The following MEF2B variants were observed in gnomAD, a reference collection of about 807,000 sequenced individuals.
MEF2B encodes the protein myocyte-specific enhancer factor 2B.
In MEF2B, 15 loss-of-function variants were observed where a neutral mutation model predicts 32.2. That is an observed-to-expected ratio of 0.47 (90% confidence interval 0.31 to 0.72). The LOEUF (loss-of-function observed/expected upper bound fraction) is 0.72. Among genes scored for constraint, MEF2B ranks in the 30% least tolerant of loss-of-function variants. The pLI is 0.05. For synonymous variants in MEF2B, 205 were observed against 225.6 expected (o/e 0.91, Z 0.82); for missense variants, 441 against 511.5 (o/e 0.86, Z 1.33).
At chr19:19,148,190 G>A (rs1320683326) in intron 3 of MEF2B, among the ~76,000 whole-genome samples, 1 of 152,236 alleles carries the variant, frequency 6.6e-6, no homozygotes, top group South Asian at 2.1e-4. Flanking sequence ...GAGGCCGGGC[G>A]CGGTGGCTCA....
At chr19:19,152,821 A>G (rs1336565853) in intron 1 of MEF2B, among the ~76,000 whole-genome samples, 2 of 152,126 alleles carry the variant, frequency 1.3e-5, no homozygotes, top group Non-Finnish European at 2.9e-5. Flanking sequence ...AGTGTTAGAT[A>G]CCTCGGCTGG....
chr19:19,147,739 C>T lies in MEF2B; in HGVS notation c.352G>A (p.Gly118Ser), dbSNP rs2146353222. 6.8e-6 allele frequency: 11 copies of T among 1,613,982 alleles called. No individual in the cohort carries two copies. The highest frequency in any genetic ancestry group is 8.5e-6 in the Non-Finnish European group (10 of 1,179,962). The part of the protein sequence containing the change: ...EPGEKFRRLA[G>S]EGGDPALPRP... ...GGCAAGGCCGGATCACCCCCTTCGC[C>T]TGCCAGCCTCCGAAACTTCTCTCCT... The change falls in exon 4 of 9, where the codon GGC (glycine) becomes AGC (serine). Residue 118 changes from glycine to serine, a missense_variant. Gly to Ser is a moderately conservative substitution (Grantham distance 56). Transcript: ENST00000424583.
rs770995320 is a variant in MEF2B at position 19,147,740 on chromosome 19, T to A, written c.351A>T (p.Ala117=). Residue 117 remains alanine, a synonymous_variant, in exon 4 of 9, where the codon GCA becomes GCT. Transcript: ENST00000424583. ...EEPGEKFRRL[A]GEGGDPALPR... is the part of the protein sequence containing the mutation. ...GCAAGGCCGGATCACCCCCTTCGCC[T>A]GCCAGCCTCCGAAACTTCTCTCCTG... is the stretch of plus-strand genomic sequence containing the variant. 1.2e-6 allele frequency: 2 copies of A among 1,613,966 alleles called. No individual in the cohort carries two copies. The highest frequency in any genetic ancestry group is 1.7e-6 in the Non-Finnish European group (2 of 1,179,966).
chr19:19,152,290 G>A (rs900170640), intron 1 of MEF2B, among the ~76,000 whole-genome samples: 3 of 150,130 alleles, frequency 2.0e-5, no homozygotes, highest in Non-Finnish European at 3.0e-5. Flanking sequence ...ACCAGCTGTC[G>A]TGGCGCACAC....
chr19:19,165,576 T>G (rs988821679), intron 1 of MEF2B, among the ~76,000 whole-genome samples: 18 of 151,088 alleles, frequency 1.2e-4, no homozygotes, highest in African/African-American at 3.9e-4. Context: ...GAGCCAGGAG[T>G]GGCCAGAGAC....
At chr19:19,159,522 CAG>C (rs1390034430) in intron 1 of MEF2B, among the ~76,000 whole-genome samples, 1 of 152,070 alleles carries the variant, frequency 6.6e-6, no homozygotes, top group Non-Finnish European at 1.5e-5. Context: ...GTGGGAAATA[CAG>C]AGTTTGAATG....
chr19:19,151,984 A>G (rs1474352867), intron 1 of MEF2B, among the ~76,000 whole-genome samples: 2 of 125,306 alleles, frequency 1.6e-5, no homozygotes, highest in African/African-American at 6.1e-5. Context: ...TTTTGAGACG[A>G]GTTTTCACTC....
At position 19,145,568 on chromosome 19, in the gene MEF2B, C is replaced by T. The variant is rs574916471; in HGVS notation, c.*229G>A. ...AAGAATGAGGCGAGTCACAGTCAGT[C>T]TGGTCCACGGACGCCACGCGCGTTT... On this transcript the variant is annotated 3_prime_UTR_variant, in exon 9 of 9. Transcript: ENST00000424583. This position sits in a 1 kb window ranked among gnomAD's most constrained non-coding sequence, Gnocchi z 4.6. The T allele has an allele frequency of 9.8e-6, 10 of 1,023,856 alleles. No homozygotes were observed. The Admixed American group carries it at 2.0e-4, about 21-fold the overall frequency. 63.4% of individuals were successfully genotyped at this position (1,023,856 alleles called of 1,614,324 possible).
At chr19:19,156,285 A>T (rs1034263165) in intron 1 of MEF2B, among the ~76,000 whole-genome samples, 1 of 152,118 alleles carries the variant, frequency 6.6e-6, no homozygotes, top group Non-Finnish European at 1.5e-5. Flanking sequence ...TGGGCTGGGC[A>T]TGATGGTTCA....
chr19:19,150,243 T>C (rs1313773188), intron 2 of MEF2B, among the ~76,000 whole-genome samples: 2 of 148,296 alleles, frequency 1.3e-5, no homozygotes, highest in Non-Finnish European at 3.0e-5. Context: ...CAAGAAACAC[T>C]GACAGACCAG....
intron 1 of MEF2B, chr19:19,157,097 C>A (rs1032733923): frequency 4.1e-6 from 1 of 244,270 alleles, no homozygotes. Context: ...TTACAGTGAG[C>A]GATGATGATC....
chr19:19,169,375 G>C (rs2060235040), intron 1 of MEF2B, among the ~76,000 whole-genome samples: 1 of 151,810 alleles, frequency 6.6e-6, no homozygotes, highest in Non-Finnish European at 1.5e-5. Flanking sequence ...AGAAAGAAAA[G>C]AAAAGAAAAA....
chr19:19,151,789 G>C (rs2060082632), intron 1 of MEF2B, among the ~76,000 whole-genome samples: 1 of 152,010 alleles, frequency 6.6e-6, no homozygotes, highest in Non-Finnish European at 1.5e-5. Context: ...GGTAGGAAAT[G>C]CTGAGCACCC....
intron 7 of MEF2B, 26 bp downstream of exon 7, chr19:19,146,528 TG>T: frequency 6.7e-7 from 1 of 1,502,526 alleles, no homozygotes; most frequent in Non-Finnish European, 8.9e-7. Flanking sequence ...GCTTCCCAGG[TG>T]GGGCAGGGCA....
At position 19,145,989 on chromosome 19, in the gene MEF2B, TG is replaced by T; in HGVS notation, c.914del (p.Pro305GlnfsTer99). The T allele has an allele frequency of 1.4e-6, 2 of 1,428,554 alleles. No individual in the cohort carries two copies. 88.5% of individuals were successfully genotyped at this position (1,428,554 alleles called of 1,614,324 possible). ...GGGTCGGCGGGGAGGCGCCGCGGGT[TG>T]GGGGACCCTCCTCGCCCAGGCTTCG... Reference protein sequence around the residue: ...GGRSLGEEGPPTRGASPPTPP... With the variant: ...GGRSLGEEGPXTRGASPPTPP... On this transcript the variant is annotated frameshift_variant, in exon 9 of 9. Transcript: ENST00000424583. LOFTEE classifies it low-confidence loss of function (END_TRUNC). This position sits in a 1 kb window ranked among gnomAD's most constrained non-coding sequence, Gnocchi z 4.6.
At chr19:19,170,168 G>T in intron 1 of MEF2B, 37 bp downstream of exon 1, 1 of 398,610 alleles carries the variant, frequency 2.5e-6, no homozygotes, top group South Asian at 1.3e-4. Context: ...GCCGTTCAGA[G>T]GACACCACAG....
At chr19:19,149,821 G>C (rs1192927236) in intron 2 of MEF2B, among the ~76,000 whole-genome samples, 3 of 151,924 alleles carry the variant, frequency 2.0e-5, no homozygotes, top group Non-Finnish European at 4.4e-5. Flanking sequence ...GGCTCAGCCT[G>C]AGGTCCCAGC....
rs549815306 is a variant in MEF2B at position 19,150,557 on chromosome 19, G to GGCATCA, written c.54+119_54+124dup. 3.5e-5 allele frequency: 38 copies of GGCATCA among 1,084,488 alleles called. No homozygotes were observed. In the South Asian group the frequency reaches 6.2e-4, roughly 18 times the overall value. The allele number at this position is 1,084,488 out of a possible 1,614,324, so 67.2% of individuals were successfully genotyped here. A position where few individuals can be genotyped will look rare whatever the true frequency, so the allele number is the denominator to read the frequency against. On this transcript the variant is annotated intron_variant, in intron 2 of 8. Transcript: ENST00000424583. Reference sequence around the variant, plus strand: ...AAAAAAAAAAAAGAAAGGCTGACATGGCATCAGGACTCCTCATGCCTCCTC... The same window carrying GGCATCA: ...AAAAAAAAAAAAGAAAGGCTGACATGGCATCAGCATCAGGACTCCTCATGCCTCCTC...
At chr19:19,164,158 G>A (rs2060188720) in intron 1 of MEF2B, among the ~76,000 whole-genome samples, 1 of 151,984 alleles carries the variant, frequency 6.6e-6, no homozygotes, top group South Asian at 2.1e-4. Flanking sequence ...GTAGAGACAG[G>A]GTTTCTCCAT....
Sources: allele counts gnomAD v4.1 joint callset (sites outside exome capture counted in the v4.1 genomes callset), GRCh38; gene constraint gnomAD v4.1.1; non-coding constraint Gnocchi (gnomAD v3.1); transcripts MANE v1.5; gene names NCBI Gene and HGNC (gene_info 2026-07-23, HGNC 2026-07-21).